CARMIL1: variants seen among roughly 807,000 people sequenced by gnomAD.
CARMIL1 encodes capping protein regulator and myosin 1 linker 1.
CARMIL1 carries 90 observed loss-of-function variants against 177.1 expected under a neutral mutation model. The observed-to-expected ratio is 0.51, with a 90% CI of 0.43 to 0.61. The LOEUF (loss-of-function observed/expected upper bound fraction) is 0.61. Ranked by LOEUF, CARMIL1 falls within the 20% of genes least tolerant of loss-of-function variation. The pLI is 0.00. For missense variants in CARMIL1, 1,380 were observed against 1,667.0 expected, an observed-to-expected ratio of 0.83 and a Z score of 3.00; for synonymous variants, 577 against 606.2, an observed-to-expected ratio of 0.95 and a Z score of 0.71.
At chr6:25,391,250 G>T (rs1404429567) in intron 2 of CARMIL1, among the ~76,000 whole-genome samples, 1 of 152,168 alleles carries the variant, frequency 6.6e-6, no homozygotes, top group African/African-American at 2.4e-5. Context: ...CTGGGTGGGG[G>T]TCATTTCCAT....
intron 2 of CARMIL1, among the ~76,000 whole-genome samples, chr6:25,317,290 T>C (rs1180343834): frequency 1.3e-5 from 2 of 152,074 alleles, no homozygotes; most frequent in Non-Finnish European, 2.9e-5. Flanking sequence ...ATTACTGTGC[T>C]TAGCTAATGT....
chr6:25,351,035 G>C (rs11491476), intron 2 of CARMIL1, among the ~76,000 whole-genome samples: 8,707 of 152,200 alleles, frequency 0.057, 576 homozygotes, highest in African/African-American at 0.16. Context: ...GATCATTATA[G>C]AAACATGGAA....
At chr6:25,442,631 A>T (rs1373210492) in intron 5 of CARMIL1, among the ~76,000 whole-genome samples, 1 of 150,072 alleles carries the variant, frequency 6.7e-6, no homozygotes, top group African/African-American at 2.5e-5. Context: ...GATAAGAAAC[A>T]GTTCCTACCT....
At chr6:25,524,335 A>C (rs1297974448) in intron 23 of CARMIL1, among the ~76,000 whole-genome samples, 1 of 152,230 alleles carries the variant, frequency 6.6e-6, no homozygotes, top group African/African-American at 2.4e-5. Flanking sequence ...GTAAAATAAC[A>C]GTGGATTACA....
At chr6:25,405,532 T>G (rs1008626880) in intron 2 of CARMIL1, among the ~76,000 whole-genome samples, 1 of 152,206 alleles carries the variant, frequency 6.6e-6, no homozygotes, top group Non-Finnish European at 1.5e-5. Context: ...ACATCCATTG[T>G]TAGAAATGAC....
chr6:25,614,711 A>G (rs1816760573), intron 36 of CARMIL1, among the ~76,000 whole-genome samples: 1 of 152,238 alleles, frequency 6.6e-6, no homozygotes. Flanking sequence ...TCCTTCTTCA[A>G]GAGGCCACTA....
chr6:25,571,954 A>G (rs894952932), intron 29 of CARMIL1, among the ~76,000 whole-genome samples: 1 of 152,210 alleles, frequency 6.6e-6, no homozygotes, highest in African/African-American at 2.4e-5. Context: ...TGCATTCTCT[A>G]TTAAGATCCC....
chr6:25,313,943 A>C (rs955610996), intron 2 of CARMIL1, among the ~76,000 whole-genome samples: 7 of 151,640 alleles, frequency 4.6e-5, no homozygotes, highest in Middle Eastern at 6.8e-3. Context: ...GATGAGTCCA[A>C]TGAGAGTTTA....
Position 25,515,891 on chromosome 6 carries a change from C to A in CARMIL1, c.1805+44C>A. The A allele has an allele frequency of 2.6e-6, 4 of 1,545,902 alleles. No homozygotes were observed. The highest frequency in any genetic ancestry group is 3.5e-6 in the Non-Finnish European group (4 of 1,143,708). On this transcript the variant is annotated intron_variant, in intron 21 of 36. Coordinates refer to ENST00000329474, the MANE Select transcript of CARMIL1 (RefSeq NM_017640.6). The surrounding 1 kb of genome is among the most constrained non-coding windows in gnomAD (Gnocchi z 5.0). The stretch of plus-strand genomic sequence containing the variant: ...CCCTGCTCATGAGGAAGGCTTGGAG[C>A]AGATTCCGAACAGCAAGCATTGCAG...
At chr6:25,345,085 T>A (rs146274407) in intron 2 of CARMIL1, among the ~76,000 whole-genome samples, 434 of 152,252 alleles carry the variant, frequency 2.9e-3, no homozygotes, top group African/African-American at 8.7e-3. Flanking sequence ...AGTTTGCACC[T>A]TAACTCACCG....
intron 2 of CARMIL1, among the ~76,000 whole-genome samples, chr6:25,396,925 C>A (rs1793450390): frequency 6.6e-6 from 1 of 152,032 alleles, no homozygotes; most frequent in African/African-American, 2.4e-5. Flanking sequence ...CTTCTGATTG[C>A]CGGTCCAGTG....
intron 8 of CARMIL1, among the ~76,000 whole-genome samples, chr6:25,461,897 G>T (rs1043284951): frequency 6.6e-6 from 1 of 151,466 alleles, no homozygotes; most frequent in Admixed American, 6.6e-5. Context: ...ATCTCTTTTT[G>T]GTTTTTCCCT....
Position 25,517,509 on chromosome 6 carries a change from T to C in CARMIL1, c.1874+94T>C, listed in dbSNP as rs1484093063. The C allele has an allele frequency of 4.4e-6, 4 of 915,492 alleles. No individual in the cohort carries two copies. The East Asian group carries it at 1.0e-4, about 23-fold the overall frequency. 56.7% of individuals were successfully genotyped at this position (915,492 alleles called of 1,614,324 possible). On this transcript the variant is annotated intron_variant, in intron 22 of 36. Coordinates refer to ENST00000329474, the MANE Select transcript of CARMIL1 (RefSeq NM_017640.6). ...GTTGGGTAATAGAATCAACTGTTTATTGGGGATCAGAAGATCTGGGTCTGA... is the reference window on the plus strand; with the variant it reads ...GTTGGGTAATAGAATCAACTGTTTACTGGGGATCAGAAGATCTGGGTCTGA...
At chr6:25,371,402 C>G (rs1196005094) in intron 2 of CARMIL1, among the ~76,000 whole-genome samples, 17 of 152,126 alleles carry the variant, frequency 1.1e-4, no homozygotes, top group Non-Finnish European at 2.9e-5. Context: ...CTCTTTTTAC[C>G]ACATCCATGC....
intron 29 of CARMIL1, among the ~76,000 whole-genome samples, chr6:25,579,759 C>T (rs942234857): frequency 6.6e-6 from 1 of 152,132 alleles, no homozygotes; most frequent in African/African-American, 2.4e-5. Context: ...TTTTTTATCT[C>T]CCTTTTCTCT....
chr6:25,587,614 C>T (rs1404585058), intron 31 of CARMIL1, among the ~76,000 whole-genome samples: 1 of 152,132 alleles, frequency 6.6e-6, no homozygotes, highest in Non-Finnish European at 1.5e-5. Context: ...TACCCATTCT[C>T]CCTTTTCTAC....
chr6:25,594,366 G>T (rs1322460886), intron 31 of CARMIL1, 49 bp from the exon 32 acceptor site: 2 of 1,190,564 alleles, frequency 1.7e-6, no homozygotes, highest in Non-Finnish European at 2.5e-6. Context: ...ATAAATGTTT[G>T]CTAAATCAAG....
chr6:25,431,810 C>T (rs1277831984), intron 4 of CARMIL1, among the ~76,000 whole-genome samples: 1 of 152,064 alleles, frequency 6.6e-6, no homozygotes, highest in African/African-American at 2.4e-5. Context: ...TCTGTCTCAG[C>T]CCCTGTCAGT....
At chr6:25,598,239 CTAT>C (rs755140914) in intron 32 of CARMIL1, among the ~76,000 whole-genome samples, 16 of 151,432 alleles carry the variant, frequency 1.1e-4, no homozygotes, top group Non-Finnish European at 2.1e-4. Context: ...TCTTAAACTT[CTAT>C]TATTATTATT....
Sources: allele counts gnomAD v4.1 joint callset (sites outside exome capture counted in the v4.1 genomes callset), GRCh38; gene constraint gnomAD v4.1.1; non-coding constraint Gnocchi (gnomAD v3.1); transcripts MANE v1.5; gene names NCBI Gene and HGNC (gene_info 2026-07-23, HGNC 2026-07-21).